SCTR: variants seen among roughly 807,000 people sequenced by gnomAD.
SCTR encodes pancreatic secretin receptor.
In SCTR, 56 loss-of-function variants were observed where a neutral mutation model predicts 60.8. The ratio of observed to expected loss-of-function variants is 0.92; its 90% confidence interval spans 0.74 to 1.15. SCTR has a LOEUF of 1.15. Among genes scored for constraint, SCTR ranks in the 50% most tolerant of loss-of-function variants. The probability of loss-of-function intolerance (pLI) is 0.00; values close to 1 mark genes in which losing one functional copy is unlikely to be tolerated. For synonymous variants in SCTR, 202 were observed against 217.0 expected, an observed-to-expected ratio of 0.93 and a Z score of 0.61; for missense variants, 562 against 550.4, an observed-to-expected ratio of 1.02 and a Z score of -0.21.
At chr2:119,469,228 G>A (rs1318730592) in intron 4 of SCTR, among the ~76,000 whole-genome samples, 1 of 152,124 alleles carries the variant, frequency 6.6e-6, no homozygotes, top group Non-Finnish European at 1.5e-5. Flanking sequence ...ATGTACAGAT[G>A]AGCCGCATTG....
chr2:119,524,109 T>G (rs1341586065), intron 1 of SCTR, 46 bp downstream of exon 1: 6 of 1,479,168 alleles, frequency 4.1e-6, no homozygotes, highest in Non-Finnish European at 4.6e-6. Flanking sequence ...AGGGCGAGAC[T>G]GTCGCTCCCT....
intron 7 of SCTR, among the ~76,000 whole-genome samples, chr2:119,460,453 T>G (rs1012813845): frequency 6.6e-6 from 1 of 151,304 alleles, no homozygotes; most frequent in African/African-American, 2.4e-5. Flanking sequence ...GATGGATGGA[T>G]GGATGGATGG....
chr2:119,441,134 C>T (rs1168701113), intron 12 of SCTR, among the ~76,000 whole-genome samples: 2 of 152,186 alleles, frequency 1.3e-5, no homozygotes, highest in Non-Finnish European at 2.9e-5. Flanking sequence ...ACCCGTTTCA[C>T]ATATGGGCAG....
intron 9 of SCTR, among the ~76,000 whole-genome samples, chr2:119,449,164 C>G (rs1683046783): frequency 6.6e-6 from 1 of 152,204 alleles, no homozygotes; most frequent in African/African-American, 2.4e-5. Context: ...AGCTGAAAGC[C>G]TTTACAGCAG....
At chr2:119,455,282 C>T (rs1255160652) in intron 7 of SCTR, among the ~76,000 whole-genome samples, 1 of 152,190 alleles carries the variant, frequency 6.6e-6, no homozygotes, top group Non-Finnish European at 1.5e-5. Flanking sequence ...ATGGGGGGAC[C>T]CCCCAACACT....
chr2:119,500,477 C>T (rs1678505967), intron 1 of SCTR, among the ~76,000 whole-genome samples: 1 of 152,122 alleles, frequency 6.6e-6, no homozygotes, highest in Admixed American at 6.5e-5. Context: ...AACCTAAGTA[C>T]CCATCAGCAG....
intron 1 of SCTR, among the ~76,000 whole-genome samples, chr2:119,519,464 C>A (rs1291724432): frequency 6.6e-6 from 1 of 152,020 alleles, no homozygotes; most frequent in Non-Finnish European, 1.5e-5. Context: ...TATGACAGCT[C>A]CTTGGGCACC....
intron 11 of SCTR, among the ~76,000 whole-genome samples, chr2:119,444,354 T>C (rs1197410676): frequency 1.3e-5 from 2 of 148,220 alleles, no homozygotes; most frequent in Non-Finnish European, 3.0e-5. Context: ...TATATACGTA[T>C]GAATATATAT....
intron 1 of SCTR, among the ~76,000 whole-genome samples, chr2:119,507,549 T>C (rs1245440889): frequency 1.3e-5 from 2 of 152,020 alleles, no homozygotes; most frequent in African/African-American, 2.4e-5. Context: ...CAGCAGTTAT[T>C]AGTTTAAAGA....
intron 7 of SCTR, 132 bp downstream of exon 7, chr2:119,461,710 TCAAAA>T: frequency 4.4e-6 from 2 of 452,500 alleles, no homozygotes; most frequent in East Asian, 8.3e-5. Flanking sequence ...AAACTCCAAC[TCAAAA>T]AAAAAAAAAA....
At chr2:119,450,432 G>A (rs993810747) in intron 9 of SCTR, among the ~76,000 whole-genome samples, 3 of 151,922 alleles carry the variant, frequency 2.0e-5, no homozygotes, top group African/African-American at 7.3e-5. Flanking sequence ...TGAGGAAACA[G>A]CCTCCAGCAT....
At chr2:119,481,703 G>C (rs1299972900) in intron 2 of SCTR, among the ~76,000 whole-genome samples, 1 of 152,204 alleles carries the variant, frequency 6.6e-6, no homozygotes, top group African/African-American at 2.4e-5. Context: ...CCACCAGGCA[G>C]AGAGCCCAGG....
intron 1 of SCTR, among the ~76,000 whole-genome samples, chr2:119,506,312 C>T (rs569168096): frequency 1.1e-4 from 17 of 152,236 alleles, no homozygotes; most frequent in African/African-American, 3.9e-4. Flanking sequence ...TACTATGGAA[C>T]CCTATTCGGC....
At chr2:119,476,374 A>G (rs866620010) in intron 3 of SCTR, 1 of 152,232 alleles carries the variant, frequency 6.6e-6, no homozygotes, top group East Asian at 1.9e-4. Flanking sequence ...CCAGAGCCCA[A>G]TAGGCAGGCC....
At position 119,524,271 on chromosome 2, in the gene SCTR, G is replaced by A. The variant is rs1051944491; in HGVS notation, c.-45C>T. The A allele has an allele frequency of 1.8e-5, 23 of 1,311,602 alleles. No individual in the cohort carries two copies. Among genetic ancestry groups the A allele is most frequent in the Non-Finnish European group, 1.8e-5 (18 of 1,001,234 alleles). 81.2% of individuals were successfully genotyped at this position (1,311,602 alleles called of 1,614,324 possible). On this transcript the variant is annotated 5_prime_UTR_variant, in exon 1 of 13. It adds an upstream start codon to the 5' untranslated region. Transcript: ENST00000019103. ...AGGGCGCCCCGACGTCCGCCTGCCC[G>A]TGCCCTCTGCCCGCTCGGGAGCTCA... is the stretch of plus-strand genomic sequence containing the variant.
chr2:119,461,875 GTACT>G lies in SCTR; in HGVS notation c.758_761del (p.Lys253ThrfsTer49), dbSNP rs1168664746. ...ATCCGAATGCCACAAATCCCTGGAGGTACTTTCTTTCAGAGAAGAAGGAGATGGC... is the reference window on the plus strand; with the variant it reads ...ATCCGAATGCCACAAATCCCTGGAGGTTCTTTCAGAGAAGAAGGAGATGGC... On this transcript the variant is annotated frameshift_variant, in exon 7 of 13. Transcript: ENST00000019103. LOFTEE classifies it high-confidence loss of function. 19 of 1,613,800 alleles carry G rather than the reference GTACT, an allele frequency of 1.2e-5. No homozygotes were observed. The highest frequency in any genetic ancestry group is 1.6e-5 in the Non-Finnish European group (19 of 1,179,932).
intron 1 of SCTR, among the ~76,000 whole-genome samples, chr2:119,508,069 G>T (rs1678807937): frequency 6.6e-6 from 1 of 152,156 alleles, no homozygotes; most frequent in African/African-American, 2.4e-5. Flanking sequence ...AGACACTACA[G>T]TTTCCAATTT....
At chr2:119,523,625 G>A (rs1030742549) in intron 1 of SCTR, among the ~76,000 whole-genome samples, 8 of 151,876 alleles carry the variant, frequency 5.3e-5, no homozygotes, top group Non-Finnish European at 8.8e-5. Context: ...TCCGCAGCCC[G>A]TGAGTGTGAA....
intron 3 of SCTR, 52 bp downstream of exon 3, chr2:119,478,759 C>G (rs1004009568): frequency 6.9e-6 from 11 of 1,585,970 alleles, no homozygotes; most frequent in African/African-American, 1.3e-5. Flanking sequence ...AGGCCCCACC[C>G]AGAGGGACAC....
Sources: allele counts gnomAD v4.1 joint callset (sites outside exome capture counted in the v4.1 genomes callset), GRCh38; gene constraint gnomAD v4.1.1; transcripts MANE v1.5; gene names NCBI Gene and HGNC (gene_info 2026-07-23, HGNC 2026-07-21).